STPG2: variants seen among roughly 807,000 people sequenced by gnomAD.
STPG2 encodes sperm-tail PG-rich repeat-containing protein 2.
Under a neutral mutation model 54.2 loss-of-function variants are expected in STPG2, and 56 were observed. The ratio of observed to expected loss-of-function variants is 1.03; its 90% CI spans 0.83 to 1.29. The LOEUF is 1.29. Among genes scored for constraint, STPG2 ranks in the 50% most tolerant of loss-of-function variants. The pLI is 0.00. For synonymous variants in STPG2, 200 were observed against 181.8 expected (o/e 1.10, Z -0.81); for missense variants, 596 against 544.9 (o/e 1.09, Z -0.93).
chr4:97,441,873 G>C (rs1729091172), intron 4 of STPG2, among the ~76,000 whole-genome samples: 1 of 151,364 alleles, frequency 6.6e-6, no homozygotes, highest in Non-Finnish European at 1.5e-5. Flanking sequence ...TGTTACGACA[G>C]AGCAAAAAAG....
At chr4:97,693,445 T>C (rs1171171700) in intron 10 of STPG2, among the ~76,000 whole-genome samples, 1 of 152,008 alleles carries the variant, frequency 6.6e-6, no homozygotes, top group Non-Finnish European at 1.5e-5. Context: ...CATACGGAAA[T>C]TGTAAAATGA....
chr4:97,828,587 G>T (rs1728340522), intron 9 of STPG2, among the ~76,000 whole-genome samples: 1 of 152,080 alleles, frequency 6.6e-6, no homozygotes, highest in South Asian at 2.1e-4. Context: ...AGGGAGCCAA[G>T]TGGTCTGCCT....
At chr4:97,876,553 T>C (rs1002401006) in intron 8 of STPG2, among the ~76,000 whole-genome samples, 1 of 152,094 alleles carries the variant, frequency 6.6e-6, no homozygotes, top group African/African-American at 2.4e-5. Flanking sequence ...AATTACATGC[T>C]GCTTCCTTTG....
intron 8 of STPG2, among the ~76,000 whole-genome samples, chr4:97,857,911 C>T (rs537085734): frequency 3.8e-4 from 57 of 151,908 alleles, no homozygotes; most frequent in African/African-American, 1.2e-3. Flanking sequence ...CTGAGGATTG[C>T]ATCACACTTT....
At chr4:98,004,603 C>G (rs1229319540) in intron 5 of STPG2, among the ~76,000 whole-genome samples, 1 of 152,130 alleles carries the variant, frequency 6.6e-6, no homozygotes, top group African/African-American at 2.4e-5. Context: ...ATGTTCCTAA[C>G]AACAACATAT....
chr4:97,890,310 T>C (rs1005512135), intron 8 of STPG2, among the ~76,000 whole-genome samples: 1 of 151,920 alleles, frequency 6.6e-6, no homozygotes. Context: ...AAAAACAAAA[T>C]ACAGCATTAC....
At chr4:97,932,545 T>G (rs1732590814) in intron 8 of STPG2, among the ~76,000 whole-genome samples, 1 of 152,080 alleles carries the variant, frequency 6.6e-6, no homozygotes, top group African/African-American at 2.4e-5. Flanking sequence ...GGCCCCAGTG[T>G]GTGTTGTTCC....
In STPG2 at chr4:97,494,200, T is replaced by C. The variant is rs188175834; in HGVS notation, c.462+218499A>G. ...GGTTTTAAAATAACTTATATATCCA[T>C]GAGCTGGAGAGATACAGACATTTTA... is the stretch of plus-strand genomic sequence containing the variant. On this transcript the variant is annotated intron_variant, in intron 4 of 4. Coordinates refer to the STPG2 transcript ENST00000522676. Among the ~76,000 whole-genome samples the C allele has an allele frequency of 6.9e-3, 1,045 of 151,728 alleles. 5 individuals are homozygous for C. The highest frequency in any genetic ancestry group is 0.011 in the Non-Finnish European group (754 of 67,698).
intron 9 of STPG2, among the ~76,000 whole-genome samples, chr4:97,715,916 A>G (rs1360860359): frequency 2.0e-5 from 3 of 152,180 alleles, no homozygotes; most frequent in Non-Finnish European, 4.4e-5. Flanking sequence ...CAACCTACAG[A>G]ATTAGAGAAA....
chr4:97,958,670 A>T (rs1281236635), intron 7 of STPG2, among the ~76,000 whole-genome samples: 1 of 152,104 alleles, frequency 6.6e-6, no homozygotes, highest in Non-Finnish European at 1.5e-5. Context: ...ACAGGAAAAT[A>T]TCACAATCCT....
chr4:97,792,871 G>A (rs576760902), intron 9 of STPG2, among the ~76,000 whole-genome samples: 1 of 152,142 alleles, frequency 6.6e-6, no homozygotes, highest in South Asian at 2.1e-4. Context: ...CACTTTCCTG[G>A]CTGGGCACAG....
At chr4:98,040,288 ATTAT>A (rs1362027528) in intron 5 of STPG2, among the ~76,000 whole-genome samples, 1 of 151,744 alleles carries the variant, frequency 6.6e-6, no homozygotes, top group African/African-American at 2.4e-5. Flanking sequence ...CACTCTGTTG[ATTAT>A]TTATTTTGCT....
At chr4:98,119,364 TA>T (rs1739607202) in intron 3 of STPG2, among the ~76,000 whole-genome samples, 1 of 151,736 alleles carries the variant, frequency 6.6e-6, no homozygotes, top group Non-Finnish European at 1.5e-5. Flanking sequence ...ACAAAATAAA[TA>T]AACTGTACTC....
At chr4:97,730,678 T>C (rs1724769558) in intron 9 of STPG2, among the ~76,000 whole-genome samples, 1 of 152,228 alleles carries the variant, frequency 6.6e-6, no homozygotes, top group South Asian at 2.1e-4. Context: ...GTTTGGTCTC[T>C]TTACAAAATC....
intron 3 of STPG2, among the ~76,000 whole-genome samples, 180 bp from the exon 4 acceptor site, chr4:98,109,485 C>G (rs746765529): frequency 2.0e-5 from 3 of 152,072 alleles, no homozygotes; most frequent in Non-Finnish European, 4.4e-5. Flanking sequence ...CTGTTGGTTC[C>G]CATTCCACTC....
chr4:97,988,769 C>T (rs1029739013), intron 5 of STPG2, among the ~76,000 whole-genome samples: 8 of 152,128 alleles, frequency 5.3e-5, no homozygotes, highest in African/African-American at 1.9e-4. Flanking sequence ...CCAGGCCCGG[C>T]TAACTTTTGT....
chr4:97,526,807 A>C (rs1472340433), intron 4 of STPG2, among the ~76,000 whole-genome samples: 1 of 151,972 alleles, frequency 6.6e-6, no homozygotes, highest in African/African-American at 2.4e-5. Flanking sequence ...TTATGGTTTT[A>C]GGTCTTACAT....
At chr4:98,098,349 G>T (rs1304603053) in intron 5 of STPG2, among the ~76,000 whole-genome samples, 1 of 151,942 alleles carries the variant, frequency 6.6e-6, no homozygotes, top group Non-Finnish European at 1.5e-5. Flanking sequence ...TTTGACTAAG[G>T]TGCTAAGAAC....
intron 9 of STPG2, among the ~76,000 whole-genome samples, chr4:97,776,850 T>C (rs1201092793): frequency 2.0e-5 from 3 of 152,158 alleles, no homozygotes; most frequent in Admixed American, 1.3e-4. Flanking sequence ...TGTTTTTCAG[T>C]ATAGTGGGAT....
Sources: gnomAD v4.1 joint callset for allele counts (sites outside exome capture counted in the v4.1 genomes callset) on GRCh38, gnomAD v4.1.1 for gene constraint, MANE v1.5 for transcripts, NCBI Gene and HGNC (gene_info 2026-07-23, HGNC 2026-07-21) for gene names.